Variants in ROCK2 observed in about 807,000 individuals in gnomAD.
ROCK2 encodes rho-associated protein kinase 2.
ROCK2 carries 61 observed loss-of-function variants against 195.1 expected under a neutral mutation model. The ratio of observed to expected loss-of-function variants is 0.31; its 90% CI spans 0.25 to 0.39. ROCK2 has a LOEUF of 0.39. Ranked by LOEUF, ROCK2 falls within the 10% of genes least tolerant of loss-of-function variation. The probability of loss-of-function intolerance (pLI) is 1.00; values close to 1 mark genes in which losing one functional copy is unlikely to be tolerated. For missense variants in ROCK2, 1,109 were observed against 1,637.4 expected, an observed-to-expected ratio of 0.68 and a Z score of 5.57; for synonymous variants, 504 against 545.5, an observed-to-expected ratio of 0.92 and a Z score of 1.06.
chr2:11,327,046 C>T (rs2148257320), intron 1 of ROCK2, among the ~76,000 whole-genome samples: 1 of 152,294 alleles, frequency 6.6e-6, no homozygotes, highest in South Asian at 2.1e-4. Context: ...CATGAATTTG[C>T]AGTACCACTA....
intron 20 of ROCK2, among the ~76,000 whole-genome samples, chr2:11,205,786 T>C (rs1035310197): frequency 1.3e-5 from 2 of 152,118 alleles, no homozygotes; most frequent in Admixed American, 6.5e-5. Flanking sequence ...ACAACATTTA[T>C]TGAGGATGTA....
chr2:11,294,368 C>CTT (rs1161204897), intron 1 of ROCK2, among the ~76,000 whole-genome samples: 1 of 152,142 alleles, frequency 6.6e-6, no homozygotes, highest in East Asian at 1.9e-4. Context: ...ATGCCAAACA[C>CTT]TTTATATAAC....
chr2:11,300,217 GA>G (rs891649384), intron 1 of ROCK2, among the ~76,000 whole-genome samples: 1 of 152,136 alleles, frequency 6.6e-6, no homozygotes, highest in African/African-American at 2.4e-5. Context: ...CCTTAAGTAG[GA>G]ATAATAATTT....
rs1375346830 is a variant in ROCK2, at chr2:11,254,785, C to G, written c.325-4987G>C. Among the ~76,000 whole-genome samples, 3 of 133,898 alleles carry G rather than the reference C, an allele frequency of 2.2e-5. No homozygotes were observed. In the Admixed American group the frequency reaches 2.3e-4, roughly 10 times the overall value. The allele number at this position is 133,898 out of a possible 152,430, so 87.8% of individuals were successfully genotyped here. A position where few individuals can be genotyped will look rare whatever the true frequency, so the allele number is the denominator to read the frequency against. On this transcript the variant is annotated intron_variant, in intron 3 of 32. Coordinates refer to ENST00000315872, the MANE Select transcript of ROCK2 (RefSeq NM_004850.5). ...AGAGAAACCTGGCTAATTTCTTGGT[C>G]GTTCAGCTGACACATCTTATGAAAA...
chr2:11,189,453 T>G (rs1663330657), intron 32 of ROCK2, among the ~76,000 whole-genome samples: 1 of 152,226 alleles, frequency 6.6e-6, no homozygotes, highest in Non-Finnish European at 1.5e-5. Flanking sequence ...CAATGAGATT[T>G]ACAATTTGCC....
chr2:11,332,411 G>T (rs10754958), intron 1 of ROCK2, among the ~76,000 whole-genome samples: 1 of 151,910 alleles, frequency 6.6e-6, no homozygotes, highest in Non-Finnish European at 1.5e-5. Context: ...GTTGATTACC[G>T]TATTATTTCC....
chr2:11,212,019 A>G (rs1032038777), intron 17 of ROCK2, among the ~76,000 whole-genome samples, 179 bp from the exon 18 acceptor site: 1 of 150,430 alleles, frequency 6.6e-6, no homozygotes, highest in African/African-American at 2.5e-5. Flanking sequence ...CAATCCTCCC[A>G]CCTTGGCCTC....
intron 1 of ROCK2, among the ~76,000 whole-genome samples, chr2:11,340,399 G>T (rs948533730): frequency 6.6e-6 from 1 of 152,056 alleles, no homozygotes; most frequent in Admixed American, 6.6e-5. Context: ...AAGGGATTGC[G>T]GACCTGCACT....
chr2:11,271,642 T>C (rs1558346510), intron 3 of ROCK2, among the ~76,000 whole-genome samples: 1 of 152,198 alleles, frequency 6.6e-6, no homozygotes, highest in South Asian at 2.1e-4. Flanking sequence ...CAGAAACCTG[T>C]TGCCCTGTTT....
At chr2:11,229,453 A>C (rs1664923869) in intron 5 of ROCK2, among the ~76,000 whole-genome samples, 1 of 152,038 alleles carries the variant, frequency 6.6e-6, no homozygotes, top group Non-Finnish European at 1.5e-5. Flanking sequence ...AAAGGATGGA[A>C]AGAAGGGAGT....
intron 1 of ROCK2, among the ~76,000 whole-genome samples, chr2:11,343,703 A>G (rs1669183417): frequency 6.6e-6 from 1 of 152,162 alleles, no homozygotes; most frequent in East Asian, 1.9e-4. Flanking sequence ...CCACCTCCCC[A>G]GAGTGGGCAG....
intron 1 of ROCK2, among the ~76,000 whole-genome samples, chr2:11,324,665 AAAG>A (rs1227580430): frequency 1.3e-5 from 2 of 152,246 alleles, no homozygotes; most frequent in Non-Finnish European, 2.9e-5. Flanking sequence ...TTGCTAAGTA[AAAG>A]AAGCCAATCT....
In ROCK2 at chr2:11,214,844, T is replaced by A; in HGVS notation, c.1932A>T (p.Leu644Phe). Residue 644 changes from leucine (L) to phenylalanine (F), a missense_variant, in exon 16 of 33, where the codon TTA becomes TTT. Leu to Phe is a conservative substitution (Grantham distance 22). Transcript: ENST00000315872. ...RTHGSEIIND[L>F]QGRICGLEED... ...GTGCAACCACGACTTCAATACCTTG[T>A]AAATCATTAATTATCTCTGATCCAT... 1.2e-6 allele frequency: 2 copies of A among 1,606,510 alleles called. No homozygotes were observed. Among genetic ancestry groups the A allele is most frequent in the Non-Finnish European group, 1.7e-6 (2 of 1,177,418 alleles).
chr2:11,223,738 G>A (rs1664714306), intron 7 of ROCK2, among the ~76,000 whole-genome samples: 1 of 152,020 alleles, frequency 6.6e-6, no homozygotes. Context: ...CGGGACATTA[G>A]AAAAAAATGG....
chr2:11,308,869 A>G lies in ROCK2; in HGVS notation c.142-21133T>C. ...TATACAAGAAACCCACTGACTTTAA[A>G]AGAAAGCAATTGCAATTATTGACCA... On this transcript the variant is annotated intron_variant, in intron 1 of 32. Coordinates refer to ENST00000315872, the MANE Select transcript of ROCK2 (RefSeq NM_004850.5). 3 of 1,611,950 alleles carry G rather than the reference A, an allele frequency of 1.9e-6. No individual in the cohort carries two copies. In the South Asian group the frequency reaches 3.3e-5, roughly 18 times the overall value.
chr2:11,200,644 G>A (rs144729790), intron 23 of ROCK2, among the ~76,000 whole-genome samples: 145 of 151,866 alleles, frequency 9.5e-4, no homozygotes, highest in African/African-American at 3.4e-3. Context: ...AATTTTTATT[G>A]CAATTTTTTC....
At position 11,186,898 on chromosome 2, in the gene ROCK2, C is replaced by T. The variant is rs183791376; in HGVS notation, c.4164-3458G>A. Reference sequence around the variant, plus strand: ...CAGGCAGAATTCTCCATGCTTCCCTCGTTTCCCCAAGCGCTCTGTTCATCC... The same window carrying T: ...CAGGCAGAATTCTCCATGCTTCCCTTGTTTCCCCAAGCGCTCTGTTCATCC... On this transcript the variant is annotated intron_variant, in intron 32 of 32. Transcript: ENST00000315872. Among the ~76,000 whole-genome samples the T allele has an allele frequency of 1.4e-4, 22 of 152,286 alleles. No homozygotes were observed. The East Asian group carries it at 4.2e-3, about 29-fold the overall frequency.
chr2:11,306,233 T>C (rs1667855031), intron 1 of ROCK2, among the ~76,000 whole-genome samples: 1 of 152,240 alleles, frequency 6.6e-6, no homozygotes, highest in Non-Finnish European at 1.5e-5. Context: ...GGCATGTTCC[T>C]GACTCAGGGA....
intron 3 of ROCK2, among the ~76,000 whole-genome samples, chr2:11,278,439 T>C (rs1666898299): frequency 6.6e-6 from 1 of 152,240 alleles, no homozygotes. Context: ...TGTTTATACA[T>C]ACCATATTAT....
Sources: allele counts gnomAD v4.1 joint callset (sites outside exome capture counted in the v4.1 genomes callset), GRCh38; gene constraint gnomAD v4.1.1; transcripts MANE v1.5; gene names NCBI Gene and HGNC (gene_info 2026-07-23, HGNC 2026-07-21).